Variants in KDM2B observed in about 807,000 individuals in gnomAD.
KDM2B encodes the protein lysine demethylase 2B, also known as lysine-specific demethylase 2B.
Under a neutral mutation model 150.0 loss-of-function variants are expected in KDM2B, and 26 were observed. The ratio of observed to expected loss-of-function variants is 0.17; its 90% CI spans 0.13 to 0.24. The LOEUF (loss-of-function observed/expected upper bound fraction) is 0.24, where lower values mean the gene tolerates loss of function less well. KDM2B is among the 10% of genes least tolerant of loss of function. KDM2B has a pLI of 1.00. For synonymous variants in KDM2B, 734 were observed against 729.5 expected (o/e 1.01, Z -0.10); for missense variants, 1,265 against 1,816.9 (o/e 0.70, Z 5.52).
intron 12 of KDM2B, among the ~76,000 whole-genome samples, chr12:121,474,111 G>A (rs949238865): frequency 2.0e-5 from 3 of 152,186 alleles, no homozygotes; most frequent in South Asian, 2.1e-4. Context: ...TGATGGGTAC[G>A]GGGTTTCCTG....
chr12:121,543,899 A>G (rs1888804119), intron 6 of KDM2B, among the ~76,000 whole-genome samples: 1 of 151,916 alleles, frequency 6.6e-6, no homozygotes, highest in Non-Finnish European at 1.5e-5. Context: ...AGGTCGGTGG[A>G]CCACTTGAGT....
chr12:121,433,313 G>A (rs1015933213), intron 22 of KDM2B: 70 of 402,204 alleles, frequency 1.7e-4, no homozygotes, highest in South Asian at 3.1e-4. Flanking sequence ...CTGCTGGCGC[G>A]TGGGGCCCGC....
chr12:121,546,685 G>A (rs1316022276), intron 6 of KDM2B, among the ~76,000 whole-genome samples: 2 of 149,582 alleles, frequency 1.3e-5, no homozygotes, highest in African/African-American at 4.9e-5. Flanking sequence ...TTACAGGTGT[G>A]AGCCTCCGCG....
At position 121,463,370 on chromosome 12, in the gene KDM2B, AGAT is replaced by A. The variant is rs1879383901; in HGVS notation, c.1735-10029_1735-10027del. Among the ~76,000 whole-genome samples the A allele has an allele frequency of 3.3e-5, 5 of 152,258 alleles. No individual in the cohort carries two copies. In the South Asian group the frequency reaches 1.0e-3, roughly 32 times the overall value. On this transcript the variant is annotated intron_variant, in intron 12 of 22. Transcript: ENST00000377071. ...CTAATGCATGTGGGGCTTAAAACCTAGATGATGGGTTGATAGGTACAGCAAACC... is the reference window on the plus strand; with the variant it reads ...CTAATGCATGTGGGGCTTAAAACCTAGATGGGTTGATAGGTACAGCAAACC...
chr12:121,430,223 C>T lies in KDM2B; in HGVS notation c.*65G>A. ...CCACGTTCCAAATGGAAAATAAAAGCCCTCATTTTTGTAAAGTCTCTCCCC... is the reference window on the plus strand; with the variant it reads ...CCACGTTCCAAATGGAAAATAAAAGTCCTCATTTTTGTAAAGTCTCTCCCC... On this transcript the variant is annotated 3_prime_UTR_variant, in exon 23 of 23. Transcript: ENST00000377071. This position sits in a 1 kb window ranked among gnomAD's most constrained non-coding sequence, Gnocchi z 4.4. 2 of 1,614,048 alleles carry T rather than the reference C, an allele frequency of 1.2e-6. No homozygotes were observed. The highest frequency in any genetic ancestry group is 1.7e-6 in the Non-Finnish European group (2 of 1,180,006).
the KDM2B span, chr12:121,420,743 G>A: frequency 2.6e-5 from 42 of 1,613,660 alleles, no homozygotes; most frequent in African/African-American, 6.7e-5. Context: ...AAAGTAAACC[G>A]GTTATACAAA....
the KDM2B span, among the ~76,000 whole-genome samples, chr12:121,411,350 C>T: frequency 6.6e-6 from 1 of 151,446 alleles, no homozygotes; most frequent in African/African-American, 2.4e-5. Context: ...ACAAAATTGT[C>T]CCCCTCCAAA....
intron 4 of KDM2B, among the ~76,000 whole-genome samples, chr12:121,551,182 G>A (rs1429424236): frequency 2.6e-5 from 4 of 152,096 alleles, no homozygotes; most frequent in African/African-American, 7.2e-5. Flanking sequence ...CAGGCCCGTG[G>A]TCAATATTTG....
At chr12:121,547,369 A>AAGAG (rs201645439) in intron 6 of KDM2B, among the ~76,000 whole-genome samples, 5 of 151,356 alleles carry the variant, frequency 3.3e-5, no homozygotes, top group South Asian at 2.1e-4. Flanking sequence ...TAATTAAAGA[A>AAGAG]AGAGAGAGAG....
At chr12:121,412,430 A>T in the KDM2B span, among the ~76,000 whole-genome samples, 2 of 151,094 alleles carry the variant, frequency 1.3e-5, no homozygotes, top group African/African-American at 4.9e-5. Context: ...TTTTTAGTAG[A>T]GATGGGGTTT....
At position 121,491,621 on chromosome 12, in the gene KDM2B, C is replaced by T. The variant is rs184792873; in HGVS notation, c.1734+2958G>A. The stretch of plus-strand genomic sequence containing the variant: ...CAGCCTGGCCAACATGGTGAAACCC[C>T]GTCTCTACTAAAAATACAAAAAATT... On this transcript the variant is annotated intron_variant, in intron 12 of 22. Coordinates refer to ENST00000377071, the MANE Select transcript of KDM2B (RefSeq NM_032590.5). Among the ~76,000 whole-genome samples the T allele has an allele frequency of 5.9e-5, 9 of 151,672 alleles. No homozygotes were observed. In the East Asian group the frequency reaches 9.7e-4, roughly 16 times the overall value.
At chr12:121,414,507 A>AT in the KDM2B span, among the ~76,000 whole-genome samples, 2 of 152,196 alleles carry the variant, frequency 1.3e-5, no homozygotes, top group East Asian at 3.8e-4. Flanking sequence ...AAAGAGAGGG[A>AT]AGAGACAAGG....
At chr12:121,561,165 T>C (rs1890311187) in intron 4 of KDM2B, among the ~76,000 whole-genome samples, 1 of 152,160 alleles carries the variant, frequency 6.6e-6, no homozygotes, top group Non-Finnish European at 1.5e-5. Flanking sequence ...GTTCCATCCG[T>C]CAGCTCCGAA....
chr12:121,462,215 C>A (rs1345597375), intron 12 of KDM2B, among the ~76,000 whole-genome samples: 1 of 152,148 alleles, frequency 6.6e-6, no homozygotes, highest in African/African-American at 2.4e-5. Flanking sequence ...AATCTGCAAG[C>A]ATAATGGACA....
intron 1 of KDM2B, 65 bp downstream of exon 1, chr12:121,580,721 C>T: frequency 6.4e-7 from 1 of 1,565,672 alleles, no homozygotes; most frequent in Non-Finnish European, 8.7e-7. Flanking sequence ...CACCTCCGTT[C>T]CTGCCCTCAT....
intron 4 of KDM2B, among the ~76,000 whole-genome samples, chr12:121,570,576 A>T (rs576885368): frequency 6.6e-6 from 1 of 152,260 alleles, no homozygotes; most frequent in South Asian, 2.1e-4. Context: ...CATCCTCCAC[A>T]CAGACACACC....
the KDM2B span, among the ~76,000 whole-genome samples, chr12:121,421,165 A>G: frequency 2.0e-5 from 3 of 152,036 alleles, no homozygotes; most frequent in Non-Finnish European, 4.4e-5. Flanking sequence ...AAAATTCCCT[A>G]TAGCCCAGAT....
rs78494968 is a variant in KDM2B at position 121,509,927 on chromosome 12, G to A, written c.1287C>T (p.Gly429=). ...GTTTGGGTGCCCTGTCCCTGCCCTC[G>A]CCCTCCTCGTCCTTCTCCTCCTCCT... The part of the protein sequence containing the change: ...PQEEEEKDEE[G]EGRDRAPKPP... The change falls in exon 11 of 23, where the codon GGC becomes GGT. Residue 429 remains glycine (G), a synonymous_variant. Transcript: ENST00000377071. 3.8e-3 allele frequency: 6,206 copies of A among 1,612,922 alleles called. 227 individuals are homozygous for A. In the African/African-American group the frequency reaches 0.072, roughly 19 times the overall value.
chr12:121,509,755 C>T lies in KDM2B; in HGVS notation c.1459G>A (p.Ala487Thr). The T allele has an allele frequency of 1.2e-6, 2 of 1,614,142 alleles. No homozygotes were observed. The highest frequency in any genetic ancestry group is 1.6e-4 in the Middle Eastern group (1 of 6,062). The change falls in exon 11 of 23, where the codon GCC becomes ACC. Residue 487 changes from alanine (A) to threonine (T), a missense_variant. By Grantham distance (58) the Ala-to-Thr change is moderately conservative. Coordinates refer to ENST00000377071, the MANE Select transcript of KDM2B (RefSeq NM_032590.5). ...GTGGGGGTCTTGGGGTAGTCTACGG[C>T]CAATGTGGTGGACTTCACACTTTCC... ...SEESVKSTTL[A>T]VDYPKTPTGS...
Sources: gnomAD v4.1 joint callset for allele counts (sites outside exome capture counted in the v4.1 genomes callset) on GRCh38, gnomAD v4.1.1 for gene constraint, Gnocchi (gnomAD v3.1) non-coding constraint, MANE v1.5 for transcripts, NCBI Gene and HGNC (gene_info 2026-07-23, HGNC 2026-07-21) for gene names.